NNT: variants seen among roughly 807,000 people sequenced by gnomAD.
NNT encodes the protein NAD(P) transhydrogenase, mitochondrial.
In NNT, 50 loss-of-function variants were observed where a neutral mutation model predicts 104.8. The ratio of observed to expected loss-of-function variants is 0.48; its 90% CI spans 0.38 to 0.60. The LOEUF (loss-of-function observed/expected upper bound fraction) is 0.60, where lower values mean the gene tolerates loss of function less well. Among genes scored for constraint, NNT ranks in the 20% least tolerant of loss-of-function variants. The pLI is 0.00. For missense variants in NNT, 1,131 were observed against 1,330.7 expected (o/e 0.85, Z 2.33); for synonymous variants, 461 against 490.4 (o/e 0.94, Z 0.79).
At chr5:43,668,001 A>G (rs1740810206) in intron 17 of NNT, among the ~76,000 whole-genome samples, 1 of 152,138 alleles carries the variant, frequency 6.6e-6, no homozygotes, top group South Asian at 2.1e-4. Context: ...GTTTCGATTT[A>G]CATTTCTCTG....
intron 7 of NNT, 80 bp downstream of exon 7, chr5:43,628,467 T>A: frequency 9.0e-7 from 1 of 1,105,444 alleles, no homozygotes; most frequent in Non-Finnish European, 1.3e-6. Context: ...AATGATTGCT[T>A]AACATTTGAA....
intron 10 of NNT, among the ~76,000 whole-genome samples, chr5:43,648,920 A>G (rs1444145223): frequency 6.6e-6 from 1 of 152,182 alleles, no homozygotes; most frequent in Non-Finnish European, 1.5e-5. Context: ...ATATTACTAG[A>G]TCTTTATAGC....
intron 7 of NNT, among the ~76,000 whole-genome samples, chr5:43,637,045 C>G (rs1750965070): frequency 6.6e-6 from 1 of 152,170 alleles, no homozygotes. Context: ...GACTTTCTGT[C>G]TGGTTCCTTA....
intron 10 of NNT, among the ~76,000 whole-genome samples, chr5:43,646,053 G>A (rs1333711299): frequency 2.6e-5 from 4 of 152,024 alleles, no homozygotes; most frequent in Admixed American, 2.6e-4. Flanking sequence ...TAAATGAAAT[G>A]CTGTTGTCTT....
At chr5:43,643,349 T>C (rs1240194609) in intron 7 of NNT, among the ~76,000 whole-genome samples, 2 of 152,248 alleles carry the variant, frequency 1.3e-5, no homozygotes, top group Non-Finnish European at 2.9e-5. Flanking sequence ...AACATATTGA[T>C]GTATATTAGC....
intron 17 of NNT, among the ~76,000 whole-genome samples, chr5:43,662,951 G>A (rs983925794): frequency 6.6e-6 from 1 of 150,466 alleles, no homozygotes; most frequent in African/African-American, 2.4e-5. Context: ...AAATTTGGAA[G>A]AATCAGAAAA....
At chr5:43,672,351 G>A (rs548589864) in intron 17 of NNT, among the ~76,000 whole-genome samples, 1 of 152,226 alleles carries the variant, frequency 6.6e-6, no homozygotes, top group Non-Finnish European at 1.5e-5. Flanking sequence ...TTGGAGGGGG[G>A]AGAGGCGCTC....
At chr5:43,611,383 G>C (rs1749493276) in intron 2 of NNT, among the ~76,000 whole-genome samples, 1 of 152,042 alleles carries the variant, frequency 6.6e-6, no homozygotes, top group South Asian at 2.1e-4. Flanking sequence ...TTTCAAATTG[G>C]CTTCTAAATC....
intron 19 of NNT, among the ~76,000 whole-genome samples, chr5:43,699,733 A>G (rs1742752393): frequency 6.6e-6 from 1 of 152,194 alleles, no homozygotes; most frequent in Non-Finnish European, 1.5e-5. Context: ...TTTTCGTGGG[A>G]AACATTTAAT....
At chr5:43,633,092 A>G (rs1458490813) in intron 7 of NNT, among the ~76,000 whole-genome samples, 1 of 152,126 alleles carries the variant, frequency 6.6e-6, no homozygotes, top group Non-Finnish European at 1.5e-5. Flanking sequence ...GTCCTTACTA[A>G]TTTAGGGGAA....
chr5:43,604,322 A>T (rs1186407817), intron 1 of NNT, among the ~76,000 whole-genome samples: 1 of 152,138 alleles, frequency 6.6e-6, no homozygotes, highest in Non-Finnish European at 1.5e-5. Context: ...TCTTATTTAA[A>T]GTGTGCCCCT....
At chr5:43,630,655 A>G (rs1043523396) in intron 7 of NNT, among the ~76,000 whole-genome samples, 1 of 152,254 alleles carries the variant, frequency 6.6e-6, no homozygotes, top group African/African-American at 2.4e-5. Flanking sequence ...TGTCAAACCA[A>G]TAAGTGTTTA....
chr5:43,610,637 C>T (rs1749453269), intron 2 of NNT, among the ~76,000 whole-genome samples: 1 of 152,120 alleles, frequency 6.6e-6, no homozygotes, highest in Admixed American at 6.6e-5. Context: ...CTTATGTCTG[C>T]CTTGAATAGA....
At chr5:43,633,497 A>G (rs1430460686) in intron 7 of NNT, among the ~76,000 whole-genome samples, 4 of 152,050 alleles carry the variant, frequency 2.6e-5, no homozygotes, top group East Asian at 1.9e-4. Flanking sequence ...TACATCCTCC[A>G]TAGTTTCTAT....
At chr5:43,640,152 G>A (rs540499491) in intron 7 of NNT, among the ~76,000 whole-genome samples, 1 of 152,006 alleles carries the variant, frequency 6.6e-6, no homozygotes, top group African/African-American at 2.4e-5. Flanking sequence ...AGAAAGATGT[G>A]CTTATTTTCT....
rs1296136493 is a variant in NNT at position 43,628,394 on chromosome 5, C to T, written c.964+7C>T. ...AGCACAGCACTTATTCCAGGTATGC[C>T]ATTAAGTAAACGGTTATTTTAAAAG... On this transcript the variant is annotated splice_region_variant and intron_variant, in intron 7 of 21. Coordinates refer to ENST00000344920, the MANE Select transcript of NNT (RefSeq NM_182977.3). The T allele has an allele frequency of 3.2e-6, 5 of 1,559,034 alleles. No individual in the cohort carries two copies. The highest frequency in any genetic ancestry group is 3.5e-6 in the Non-Finnish European group (4 of 1,152,878).
rs200099620 is a variant in NNT at position 43,628,153 on chromosome 5, A to G, written c.777-47A>G. 5.0e-6 allele frequency: 7 copies of G among 1,396,072 alleles called. No individual in the cohort carries two copies. The East Asian group carries it at 1.8e-4, about 35-fold the overall frequency. The allele number at this position is 1,396,072 out of a possible 1,614,324, so 86.5% of individuals were successfully genotyped here. On this transcript the variant is annotated intron_variant, in intron 6 of 21. Coordinates refer to ENST00000344920, the MANE Select transcript of NNT (RefSeq NM_182977.3). ...TGTAAATGATGATCTTGACTTCTTT[A>G]TTAGGGCCTGAAATAACTACTCTTT... is the stretch of plus-strand genomic sequence containing the variant.
intron 4 of NNT, among the ~76,000 whole-genome samples, chr5:43,617,492 T>C (rs1191392546): frequency 1.3e-5 from 2 of 152,120 alleles, no homozygotes; most frequent in African/African-American, 2.4e-5. Flanking sequence ...GAGAGCATAG[T>C]GTGAAAGGAA....
intron 17 of NNT, among the ~76,000 whole-genome samples, chr5:43,668,419 C>T (rs1740841728): frequency 1.3e-5 from 2 of 152,100 alleles, no homozygotes; most frequent in African/African-American, 2.4e-5. Flanking sequence ...TTAGGTCTAA[C>T]ATTTAAGTCT....
Sources: gnomAD v4.1 joint callset for allele counts (sites outside exome capture counted in the v4.1 genomes callset) on GRCh38, gnomAD v4.1.1 for gene constraint, MANE v1.5 for transcripts, NCBI Gene and HGNC (gene_info 2026-07-23, HGNC 2026-07-21) for gene names.